LRRC8D: variants seen among roughly 807,000 people sequenced by gnomAD.
The protein encoded by LRRC8D is leucine rich repeat containing 8 VRAC subunit D.
A neutral mutation model predicts 55.8 loss-of-function variants in LRRC8D; 20 were observed. The observed-to-expected ratio is 0.36, with a 90% CI of 0.25 to 0.52. The LOEUF is 0.52. LRRC8D is among the 20% of genes least tolerant of loss of function. LRRC8D has a pLI of 0.93. For missense variants in LRRC8D, 651 were observed against 1,030.8 expected (o/e 0.63, Z 5.05); for synonymous variants, 352 against 377.0 (o/e 0.93, Z 0.77).
chr1:89,822,528 A>G (rs186305544), intron 1 of LRRC8D, among the ~76,000 whole-genome samples: 2 of 152,340 alleles, frequency 1.3e-5, no homozygotes, highest in East Asian at 1.9e-4. Context: ...GGCAGCTTTG[A>G]TAGTAAAATT....
intron 2 of LRRC8D, among the ~76,000 whole-genome samples, chr1:89,890,655 C>A (rs1458788827): frequency 6.6e-6 from 1 of 152,166 alleles, no homozygotes; most frequent in Admixed American, 6.5e-5. Context: ...CAGAGTTCTC[C>A]AGTACCCTTC....
chr1:89,923,269 T>G (rs962708362), intron 2 of LRRC8D, among the ~76,000 whole-genome samples: 1 of 152,226 alleles, frequency 6.6e-6, no homozygotes, highest in African/African-American at 2.4e-5. Context: ...TTGCAATAGA[T>G]GTACTATAAA....
intron 2 of LRRC8D, among the ~76,000 whole-genome samples, chr1:89,895,851 T>C (rs1261395969): frequency 6.6e-6 from 1 of 152,242 alleles, no homozygotes; most frequent in Non-Finnish European, 1.5e-5. Flanking sequence ...AGAATGTCTC[T>C]GAGTCTGATA....
At chr1:89,875,218 C>T (rs1662117968) in intron 2 of LRRC8D, among the ~76,000 whole-genome samples, 1 of 152,004 alleles carries the variant, frequency 6.6e-6, no homozygotes, top group South Asian at 2.1e-4. Context: ...TTTTTTTTAA[C>T]ATGGGAGAAG....
intron 2 of LRRC8D, among the ~76,000 whole-genome samples, chr1:89,868,774 T>C (rs1661919156): frequency 6.6e-6 from 1 of 152,214 alleles, no homozygotes; most frequent in African/African-American, 2.4e-5. Context: ...GATTCTAGGC[T>C]TCTGGTCAGT....
chr1:89,884,159 A>G (rs1027863874), intron 2 of LRRC8D, among the ~76,000 whole-genome samples: 2 of 152,222 alleles, frequency 1.3e-5, no homozygotes, highest in African/African-American at 4.8e-5. Flanking sequence ...TGCACCTAAA[A>G]TTGCAGATGG....
chr1:89,832,921 C>T (rs546196738), intron 1 of LRRC8D, among the ~76,000 whole-genome samples: 120 of 152,302 alleles, frequency 7.9e-4, no homozygotes, highest in African/African-American at 2.7e-3. Context: ...TCATTTACTT[C>T]TGACAACAGC....
At chr1:89,881,140 A>T (rs1035274975) in intron 2 of LRRC8D, among the ~76,000 whole-genome samples, 2 of 151,990 alleles carry the variant, frequency 1.3e-5, no homozygotes, top group East Asian at 3.9e-4. Flanking sequence ...TTCCAGCTCC[A>T]TTTCTATCCC....
chr1:89,884,827 T>C (rs147668740), intron 2 of LRRC8D, among the ~76,000 whole-genome samples: 302 of 152,346 alleles, frequency 2.0e-3, no homozygotes, highest in African/African-American at 6.1e-3. Flanking sequence ...TGTTGGATCT[T>C]GGCATCAGGA....
In LRRC8D at chr1:89,933,328, A is replaced by C; in HGVS notation, c.260A>C (p.Asn87Thr). The C allele has an allele frequency of 6.2e-7, 1 of 1,614,180 alleles. No homozygotes were observed. The highest frequency in any genetic ancestry group is 1.7e-5 in the Admixed American group (1 of 60,014). The part of the protein sequence containing the change: ...TNIPKMEAAT[N>T]QDQDGRTTND... ...ATCCCAAAGATGGAAGCAGCCACCA[A>C]CCAAGACCAAGATGGGCGGACAACA... The change falls in exon 3 of 3, where the codon AAC becomes ACC. Residue 87 changes from asparagine (N) to threonine (T), a missense_variant. Around this residue, in one of 5 missense-constraint regions of LRRC8D, gnomAD observed 118 missense variants for 138.0 expected, o/e 0.85. Coordinates refer to ENST00000337338, the MANE Select transcript of LRRC8D (RefSeq NM_001134479.2). The surrounding 1 kb of genome is among the most constrained non-coding windows in gnomAD (Gnocchi z 7.0).
At chr1:89,894,138 T>C (rs2100888194) in intron 2 of LRRC8D, among the ~76,000 whole-genome samples, 1 of 152,322 alleles carries the variant, frequency 6.6e-6, no homozygotes, top group East Asian at 1.9e-4. Context: ...CTCCTGCCCT[T>C]TTCTCACCAT....
intron 2 of LRRC8D, among the ~76,000 whole-genome samples, chr1:89,873,104 G>A (rs1662062207): frequency 6.6e-6 from 1 of 152,184 alleles, no homozygotes; most frequent in African/African-American, 2.4e-5. Context: ...CTTAGAAACA[G>A]TGTGTACAGG....
At chr1:89,906,098 G>T (rs1036557238) in intron 2 of LRRC8D, among the ~76,000 whole-genome samples, 1 of 152,186 alleles carries the variant, frequency 6.6e-6, no homozygotes, top group African/African-American at 2.4e-5. Flanking sequence ...CAGCCGCATT[G>T]TTCCCTGGTG....
intron 1 of LRRC8D, among the ~76,000 whole-genome samples, chr1:89,841,951 G>A (rs1171993854): frequency 7.9e-5 from 12 of 152,116 alleles, no homozygotes; most frequent in Admixed American, 4.6e-4. Flanking sequence ...GGTGGTTTAC[G>A]CCTGTAATCC....
chr1:89,867,398 T>C (rs1355235753), intron 2 of LRRC8D, among the ~76,000 whole-genome samples: 2 of 152,244 alleles, frequency 1.3e-5, no homozygotes, highest in Non-Finnish European at 2.9e-5. Flanking sequence ...TGCCAGATTT[T>C]AAAGTGTACC....
chr1:89,907,183 CT>C (rs71584958), intron 2 of LRRC8D, among the ~76,000 whole-genome samples: 2,758 of 69,618 alleles, frequency 0.04, 11 homozygotes, highest in East Asian at 0.072. Context: ...TCCACTGTGT[CT>C]TTTTTTTTTT....
intron 2 of LRRC8D, among the ~76,000 whole-genome samples, chr1:89,901,391 A>G (rs1186525582): frequency 2.0e-5 from 3 of 152,224 alleles, no homozygotes; most frequent in Non-Finnish European, 4.4e-5. Context: ...AAAGGAAAAG[A>G]TTGGGTTTAG....
At chr1:89,923,073 G>C (rs1418014626) in intron 2 of LRRC8D, among the ~76,000 whole-genome samples, 1 of 152,090 alleles carries the variant, frequency 6.6e-6, no homozygotes, top group East Asian at 1.9e-4. Flanking sequence ...GTTGTTTTCA[G>C]ATTTAGTTTT....
chr1:89,923,310 C>T (rs1663469556), intron 2 of LRRC8D, among the ~76,000 whole-genome samples: 1 of 152,142 alleles, frequency 6.6e-6, no homozygotes, highest in African/African-American at 2.4e-5. Flanking sequence ...GCGATTAATA[C>T]TTACTAAATA....
Sources: gnomAD v4.1 joint callset for allele counts (sites outside exome capture counted in the v4.1 genomes callset) on GRCh38, gnomAD v4.1.1 for gene constraint, gnomAD v4.1.1 regional missense constraint, Gnocchi (gnomAD v3.1) non-coding constraint, MANE v1.5 for transcripts, NCBI Gene and HGNC (gene_info 2026-07-23, HGNC 2026-07-21) for gene names.